The following NTM variants were observed in gnomAD, a reference collection of about 807,000 sequenced individuals.
The protein encoded by NTM is neurotrimin, also known as IgLON family member 2.
Under a neutral mutation model 42.1 loss-of-function variants are expected in NTM, and 13 were observed. That is an observed-to-expected ratio of 0.31 (90% CI 0.20 to 0.49). The LOEUF (loss-of-function observed/expected upper bound fraction) is 0.49, where lower values mean the gene tolerates loss of function less well. Ranked by LOEUF, NTM falls within the 20% of genes least tolerant of loss-of-function variation. The pLI is 0.99. For missense variants in NTM, 373 were observed against 452.8 expected (o/e 0.82, Z 1.60); for synonymous variants, 187 against 179.2 (o/e 1.04, Z -0.35).
chr11:131,627,234 T>G (rs984485935), intron 1 of NTM, among the ~76,000 whole-genome samples: 23 of 151,952 alleles, frequency 1.5e-4, no homozygotes, highest in African/African-American at 4.1e-4. Context: ...TTTATTTTTT[T>G]TGTGGGTTTG....
At chr11:131,729,247 G>T (rs1029810951) in intron 1 of NTM, among the ~76,000 whole-genome samples, 28 of 152,248 alleles carry the variant, frequency 1.8e-4, no homozygotes, top group Non-Finnish European at 3.5e-4. Context: ...GTTCGATAAG[G>T]GTTAGCCTTA....
At chr11:131,822,020 A>C (rs2136427021) in intron 1 of NTM, among the ~76,000 whole-genome samples, 2 of 152,320 alleles carry the variant, frequency 1.3e-5, no homozygotes, top group East Asian at 3.9e-4. Context: ...TTATCAATAA[A>C]AGCTCAGGAA....
chr11:131,381,862 G>A (rs1942720753), intron 1 of NTM, among the ~76,000 whole-genome samples: 1 of 152,168 alleles, frequency 6.6e-6, no homozygotes, highest in African/African-American at 2.4e-5. Flanking sequence ...TCCTGGCACA[G>A]GTCAGAATAG....
chr11:132,102,616 AT>A (rs1223859680), intron 2 of NTM, among the ~76,000 whole-genome samples: 1 of 152,162 alleles, frequency 6.6e-6, no homozygotes, highest in African/African-American at 2.4e-5. Flanking sequence ...TCAACTGGTT[AT>A]TTTCCACAGT....
chr11:131,583,639 G>A (rs1156641528), intron 1 of NTM, among the ~76,000 whole-genome samples: 10 of 152,096 alleles, frequency 6.6e-5, no homozygotes, highest in African/African-American at 9.7e-5. Context: ...TAGGAGGTGC[G>A]GATTAATATC....
At chr11:132,192,275 A>G (rs1380814200) in intron 3 of NTM, among the ~76,000 whole-genome samples, 1 of 152,188 alleles carries the variant, frequency 6.6e-6, no homozygotes, top group African/African-American at 2.4e-5. Flanking sequence ...GAAGGGGCAG[A>G]TCACTTACAA....
At chr11:131,996,683 G>A (rs570697455) in intron 2 of NTM, among the ~76,000 whole-genome samples, 57 of 150,534 alleles carry the variant, frequency 3.8e-4, no homozygotes, top group Admixed American at 1.6e-3. Flanking sequence ...GGGTCTTGTC[G>A]TCTTCATACT....
chr11:131,513,032 T>G (rs1248182305), intron 1 of NTM, among the ~76,000 whole-genome samples: 1 of 152,188 alleles, frequency 6.6e-6, no homozygotes, highest in Admixed American at 6.5e-5. Flanking sequence ...CTTAATACCT[T>G]GTTTTGCTCC....
At chr11:131,945,748 G>A (rs2060270623) in intron 2 of NTM, among the ~76,000 whole-genome samples, 1 of 152,176 alleles carries the variant, frequency 6.6e-6, no homozygotes. Flanking sequence ...TGACATTCCT[G>A]CACCTTTACT....
rs1471407535 is a variant in NTM, at chr11:132,039,059, G to C, written c.168-107223G>C. 2.0e-5 allele frequency among the ~76,000 whole-genome samples: 3 copies of C among 152,154 alleles called. No homozygotes were observed. In the East Asian group the frequency reaches 5.8e-4, roughly 29 times the overall value. On this transcript the variant is annotated intron_variant, in intron 2 of 8. Transcript: ENST00000683400. ...ACAGCAGCCACACTGGTGTCCATGGGGTGTTTGTGCCAGGTAATCCCTCTG... is the reference window on the plus strand; with the variant it reads ...ACAGCAGCCACACTGGTGTCCATGGCGTGTTTGTGCCAGGTAATCCCTCTG...
intron 1 of NTM, among the ~76,000 whole-genome samples, chr11:131,767,931 G>A (rs539604100): frequency 7.9e-4 from 121 of 152,226 alleles, no homozygotes; most frequent in African/African-American, 2.8e-3. Context: ...GGACCAATGG[G>A]ATGGGGAGTG....
In NTM at chr11:131,505,552, A is replaced by T. The variant is rs368215368; in HGVS notation, c.82+134664A>T. Among the ~76,000 whole-genome samples the T allele has an allele frequency of 7.2e-5, 11 of 152,276 alleles. No homozygotes were observed. In the East Asian group the frequency reaches 1.7e-3, roughly 24 times the overall value. On this transcript the variant is annotated intron_variant, in intron 1 of 8. Coordinates refer to ENST00000683400, the MANE Select transcript of NTM (RefSeq NM_001352005.2). ...CCTTTTCACAGGTGAGGACACTGAG[A>T]CCTAAACTGGGTGCATAATTTGTCC...
chr11:131,818,316 A>G (rs74835533), intron 1 of NTM, among the ~76,000 whole-genome samples: 4,470 of 152,222 alleles, frequency 0.029, 215 homozygotes, highest in African/African-American at 0.1. Flanking sequence ...ACTTAAACAA[A>G]ACAGAGGACA....
At chr11:132,325,772 T>G (rs1449034041) in intron 7 of NTM, among the ~76,000 whole-genome samples, 2 of 152,252 alleles carry the variant, frequency 1.3e-5, no homozygotes, top group Middle Eastern at 3.4e-3. Flanking sequence ...CAACCTAAAT[T>G]TCCAACAACA....
chr11:131,489,939 T>A (rs1829219050), intron 1 of NTM, among the ~76,000 whole-genome samples: 1 of 152,218 alleles, frequency 6.6e-6, no homozygotes, highest in Non-Finnish European at 1.5e-5. Flanking sequence ...TTCTGCAACA[T>A]AAACAAGAAG....
chr11:131,757,117 G>A (rs562307203), intron 1 of NTM, among the ~76,000 whole-genome samples: 5 of 152,308 alleles, frequency 3.3e-5, no homozygotes, highest in African/African-American at 1.2e-4. Context: ...GGAAAGGGGC[G>A]TCATCTCCGA....
chr11:131,561,000 G>A (rs1034582141), intron 1 of NTM, among the ~76,000 whole-genome samples: 7 of 152,232 alleles, frequency 4.6e-5, no homozygotes, highest in African/African-American at 1.7e-4. Flanking sequence ...TGGCGTGCAA[G>A]ATCACCCTGG....
chr11:131,923,447 T>C (rs190158482), intron 2 of NTM, among the ~76,000 whole-genome samples: 12 of 152,330 alleles, frequency 7.9e-5, no homozygotes, highest in African/African-American at 2.9e-4. Flanking sequence ...GGATTGGGTG[T>C]TATTAAACAG....
intron 2 of NTM, among the ~76,000 whole-genome samples, chr11:132,084,410 C>G (rs1324600261): frequency 6.6e-6 from 1 of 152,106 alleles, no homozygotes; most frequent in Non-Finnish European, 1.5e-5. Flanking sequence ...AAAATATAAC[C>G]TGAAGAAGAT....
Sources: allele counts gnomAD v4.1 joint callset (sites outside exome capture counted in the v4.1 genomes callset), GRCh38; gene constraint gnomAD v4.1.1; transcripts MANE v1.5; gene names NCBI Gene and HGNC (gene_info 2026-07-23, HGNC 2026-07-21).